Variants in ARHGEF3 observed in about 807,000 individuals in gnomAD.
The protein encoded by ARHGEF3 is Rho guanine nucleotide exchange factor 3.
In ARHGEF3, 28 loss-of-function variants were observed where a neutral mutation model predicts 63.2. That is an observed-to-expected ratio of 0.44 (90% CI 0.33 to 0.61). The LOEUF (loss-of-function observed/expected upper bound fraction) is 0.61. Ranked by LOEUF, ARHGEF3 falls within the 20% of genes least tolerant of loss-of-function variation. The pLI is 0.03. For missense variants in ARHGEF3, 533 were observed against 659.3 expected (o/e 0.81, Z 2.10); for synonymous variants, 266 against 254.2 (o/e 1.05, Z -0.44).
At chr3:57,072,882 T>TA (rs762575575) in intron 1 of ARHGEF3, among the ~76,000 whole-genome samples, 13 of 151,496 alleles carry the variant, frequency 8.6e-5, no homozygotes, top group Non-Finnish European at 1.8e-4. Context: ...CCATCTCTAC[T>TA]AAAAAATACA....
intron 2 of ARHGEF3, among the ~76,000 whole-genome samples, chr3:57,015,828 C>A (rs1276697054): frequency 6.6e-6 from 1 of 152,090 alleles, no homozygotes; most frequent in Non-Finnish European, 1.5e-5. Flanking sequence ...AAGCCCTAGA[C>A]ACTTCGCCAC....
chr3:56,777,966 T>C (rs1190654672), intron 1 of ARHGEF3, among the ~76,000 whole-genome samples: 9 of 152,184 alleles, frequency 5.9e-5, no homozygotes, highest in African/African-American at 2.2e-4. Flanking sequence ...CTTTCAAATG[T>C]TTGGAAATTC....
At position 56,754,977 on chromosome 3, in the gene ARHGEF3, C is replaced by T; in HGVS notation, c.375+4G>A. The T allele has an allele frequency of 6.2e-7, 1 of 1,614,186 alleles. No homozygotes were observed. Among genetic ancestry groups the T allele is most frequent in the Non-Finnish European group, 8.5e-7 (1 of 1,180,028 alleles). Reference sequence around the variant, plus strand: ...ACAGCCAGCTCCATGGGCCCCGAGCCTACCTCCTGACGTTTGATTTCCTTG... The same window carrying T: ...ACAGCCAGCTCCATGGGCCCCGAGCTTACCTCCTGACGTTTGATTTCCTTG... On this transcript the variant is annotated splice_donor_region_variant and intron_variant, in intron 3 of 9. Coordinates refer to ENST00000296315, the MANE Select transcript of ARHGEF3 (RefSeq NM_019555.3).
At chr3:56,942,321 T>C (rs899219028) in intron 3 of ARHGEF3, among the ~76,000 whole-genome samples, 1 of 152,236 alleles carries the variant, frequency 6.6e-6, no homozygotes, top group Non-Finnish European at 1.5e-5. Context: ...GCATCACATT[T>C]TGTTCACTCA....
chr3:56,914,177 T>C (rs993777051), intron 3 of ARHGEF3, among the ~76,000 whole-genome samples: 3 of 152,230 alleles, frequency 2.0e-5, no homozygotes, highest in African/African-American at 7.2e-5. Context: ...GGTTGCAGTG[T>C]ATGCTGCTTG....
chr3:56,815,636 G>C (rs2038242049), intron 4 of ARHGEF3, among the ~76,000 whole-genome samples: 1 of 152,328 alleles, frequency 6.6e-6, no homozygotes, highest in African/African-American at 2.4e-5. Context: ...AGGGAAAATG[G>C]AGACAGACTA....
chr3:56,944,699 C>G (rs528113228), intron 3 of ARHGEF3, among the ~76,000 whole-genome samples: 1 of 150,320 alleles, frequency 6.7e-6, no homozygotes, highest in Non-Finnish European at 1.5e-5. Context: ...GCCTCAGCCT[C>G]CCAAGTAGCT....
chr3:56,915,571 C>T (rs2041966427), intron 3 of ARHGEF3, among the ~76,000 whole-genome samples: 1 of 152,150 alleles, frequency 6.6e-6, no homozygotes, highest in Non-Finnish European at 1.5e-5. Flanking sequence ...GGGAATGTAA[C>T]CTTCAGAGCT....
rs566678699 is a variant in ARHGEF3 at position 56,982,337 on chromosome 3, A to G, written c.63-23448T>C. Among the ~76,000 whole-genome samples the G allele has an allele frequency of 7.0e-4, 106 of 152,278 alleles. 1 individual carries two copies. The highest frequency in any genetic ancestry group is 2.4e-3 in the African/African-American group (100 of 41,558). On this transcript the variant is annotated intron_variant, in intron 2 of 12. Transcript: ENST00000338458. ...GAACTATGCTTTGTTTCTTTGCAAAAGTTCATTAAAGAAAGCATCAAAATG... is the reference window on the plus strand; with the variant it reads ...GAACTATGCTTTGTTTCTTTGCAAAGGTTCATTAAAGAAAGCATCAAAATG...
chr3:56,907,793 A>T (rs1293317207), intron 3 of ARHGEF3, among the ~76,000 whole-genome samples: 1 of 152,172 alleles, frequency 6.6e-6, no homozygotes, highest in African/African-American at 2.4e-5. Flanking sequence ...GTATGTTCTC[A>T]CCTATAAGTG....
intron 4 of ARHGEF3, among the ~76,000 whole-genome samples, chr3:56,849,746 CAA>C (rs1167660962): frequency 1.3e-5 from 2 of 152,020 alleles, no homozygotes; most frequent in African/African-American, 4.8e-5. Flanking sequence ...TAAAGTAGCA[CAA>C]AGAGTGGAAA....
intron 3 of ARHGEF3, among the ~76,000 whole-genome samples, chr3:56,897,923 C>T (rs1379806251): frequency 6.6e-6 from 1 of 152,018 alleles, no homozygotes; most frequent in Non-Finnish European, 1.5e-5. Context: ...TTCTGTTGCT[C>T]ATGCTGGAGT....
intron 1 of ARHGEF3, chr3:57,073,567 G>C: frequency 7.0e-7 from 1 of 1,425,946 alleles, no homozygotes; most frequent in Non-Finnish European, 9.2e-7. Flanking sequence ...GTGGGGTGTG[G>C]CTGAAGGTGA....
At chr3:56,935,103 A>G (rs1462130179) in intron 3 of ARHGEF3, among the ~76,000 whole-genome samples, 1 of 151,476 alleles carries the variant, frequency 6.6e-6, no homozygotes, top group African/African-American at 2.4e-5. Context: ...TTGTAAATAC[A>G]CCAATTGGCA....
chr3:56,768,716 G>A (rs1578460275), intron 2 of ARHGEF3, among the ~76,000 whole-genome samples: 1 of 143,486 alleles, frequency 7.0e-6, no homozygotes. Context: ...AAGGCAAAAA[G>A]CGTTAAAGGA....
At position 56,728,231 on chromosome 3, in the gene ARHGEF3, G is replaced by A. The variant is rs898631583; in HGVS notation, c.*1039C>T. 4.6e-5 allele frequency: 7 copies of A among 152,634 alleles called. No individual in the cohort carries two copies. The highest frequency in any genetic ancestry group is 1.7e-4 in the African/African-American group (7 of 41,464). 9.5% of individuals were successfully genotyped at this position (152,634 alleles called of 1,614,324 possible). A position where few individuals can be genotyped will look rare whatever the true frequency, so the allele number is the denominator to read the frequency against. Reference sequence around the variant, plus strand: ...GAGATGGCAAATTGACGACCCAAAAGCAGAGCAGGAAAGCCCAAAGCTCTG... The same window carrying A: ...GAGATGGCAAATTGACGACCCAAAAACAGAGCAGGAAAGCCCAAAGCTCTG... On this transcript the variant is annotated 3_prime_UTR_variant, in exon 10 of 10. Transcript: ENST00000296315.
chr3:56,742,174 A>ATT (rs879664535), intron 7 of ARHGEF3, among the ~76,000 whole-genome samples: 1 of 143,856 alleles, frequency 7.0e-6, no homozygotes, highest in East Asian at 2.0e-4. Flanking sequence ...GATTTCAGTG[A>ATT]TTTTTTTTTT....
intron 4 of ARHGEF3, among the ~76,000 whole-genome samples, chr3:56,816,036 A>G (rs1408841275): frequency 1.3e-5 from 2 of 152,210 alleles, no homozygotes; most frequent in Admixed American, 6.5e-5. Flanking sequence ...CAACATAGTG[A>G]GATCCTGTCT....
intron 1 of ARHGEF3, chr3:57,079,033 G>C: frequency 3.0e-6 from 1 of 338,096 alleles, no homozygotes; most frequent in Non-Finnish European, 5.3e-6. Flanking sequence ...AGGGCCCGCC[G>C]GGGACGCCGA....
Sources: allele counts gnomAD v4.1 joint callset (sites outside exome capture counted in the v4.1 genomes callset), GRCh38; gene constraint gnomAD v4.1.1; transcripts MANE v1.5; gene names NCBI Gene and HGNC (gene_info 2026-07-23, HGNC 2026-07-21).